Variants in ZZZ3 observed in about 807,000 individuals in gnomAD.
ZZZ3 encodes the protein zinc finger ZZ-type containing 3, also known as ZZ-type zinc finger-containing protein 3.
In ZZZ3, 22 loss-of-function variants were observed where a neutral mutation model predicts 95.2. The ratio of observed to expected loss-of-function variants is 0.23; its 90% CI spans 0.17 to 0.33. The LOEUF is 0.33. Ranked by LOEUF, ZZZ3 falls within the 10% of genes least tolerant of loss-of-function variation. The probability of loss-of-function intolerance (pLI) is 1.00; values close to 1 mark genes in which losing one functional copy is unlikely to be tolerated. For synonymous variants in ZZZ3, 335 were observed against 358.9 expected (o/e 0.93, Z 0.75); for missense variants, 885 against 1,066.5 (o/e 0.83, Z 2.37).
At chr1:77,567,612 C>T (rs559723578) in intron 13 of ZZZ3, among the ~76,000 whole-genome samples, 3 of 152,262 alleles carry the variant, frequency 2.0e-5, no homozygotes, top group South Asian at 2.1e-4. Context: ...ACTCTAGCCA[C>T]GCTCAACTAT....
chr1:77,571,088 G>A (rs149280740), intron 12 of ZZZ3, among the ~76,000 whole-genome samples: 1 of 151,856 alleles, frequency 6.6e-6, no homozygotes, highest in Non-Finnish European at 1.5e-5. Flanking sequence ...TAAGTGACCC[G>A]AATAATTAGA....
chr1:77,675,344 A>C (rs1451619629), intron 1 of ZZZ3, among the ~76,000 whole-genome samples: 1 of 152,238 alleles, frequency 6.6e-6, no homozygotes, highest in Admixed American at 6.5e-5. Flanking sequence ...ATTAAAAAAA[A>C]AACTTTAAAA....
intron 5 of ZZZ3, among the ~76,000 whole-genome samples, chr1:77,602,929 G>A (rs1664880889): frequency 6.6e-6 from 1 of 151,544 alleles, no homozygotes; most frequent in Admixed American, 6.6e-5. Context: ...TGATGAACAG[G>A]GTACTGCAAT....
At chr1:77,577,612 C>G in intron 11 of ZZZ3, among the ~76,000 whole-genome samples, 1 of 152,060 alleles carries the variant, frequency 6.6e-6, no homozygotes, top group East Asian at 1.9e-4. Flanking sequence ...GGAAGGATAA[C>G]AGCACTAGAT....
At position 77,566,101 on chromosome 1, in the gene ZZZ3, G is replaced by A. The variant is rs1660798271; in HGVS notation, c.2547C>T (p.Phe849=). 1 of 1,612,962 alleles carries A rather than the reference G, an allele frequency of 6.2e-7. No individual in the cohort carries two copies. The highest frequency in any genetic ancestry group is 8.5e-7 in the Non-Finnish European group (1 of 1,179,416). Residue 849 remains phenylalanine, a synonymous_variant, in exon 14 of 15, where the codon TTC becomes TTT. Coordinates refer to ENST00000370801, the MANE Select transcript of ZZZ3 (RefSeq NM_015534.6). ...QDCPPEMSLD[F]CDSCSDCLHE... The stretch of plus-strand genomic sequence containing the variant: ...CTTACCAGTCTGAACAAGAATCACA[G>A]AAATCCAAAGACATTTCTGGAGGAC...
chr1:77,671,509 C>T (rs887460556), intron 1 of ZZZ3, among the ~76,000 whole-genome samples: 2 of 152,150 alleles, frequency 1.3e-5, no homozygotes, highest in African/African-American at 4.8e-5. Flanking sequence ...TCCAAAACTC[C>T]ACAGTTTGAG....
At chr1:77,584,451 A>T in intron 6 of ZZZ3, 66 bp downstream of exon 6, 1 of 1,486,424 alleles carries the variant, frequency 6.7e-7, no homozygotes, top group Non-Finnish European at 9.0e-7. Flanking sequence ...AAAAAGAATT[A>T]ACCAAATTCT....
At chr1:77,672,032 A>T (rs1671830471) in intron 1 of ZZZ3, among the ~76,000 whole-genome samples, 1 of 152,204 alleles carries the variant, frequency 6.6e-6, no homozygotes, top group Admixed American at 6.5e-5. Context: ...ACAATAAGAG[A>T]TTTCATCAGG....
chr1:77,575,084 T>C (rs887470759), intron 12 of ZZZ3, among the ~76,000 whole-genome samples: 1 of 152,224 alleles, frequency 6.6e-6, no homozygotes, highest in African/African-American at 2.4e-5. Context: ...CTCAGGTGCC[T>C]GAGGCAGGAG....
intron 5 of ZZZ3, among the ~76,000 whole-genome samples, chr1:77,594,741 T>C (rs763252646): frequency 6.6e-6 from 1 of 151,740 alleles, no homozygotes; most frequent in Non-Finnish European, 1.5e-5. Flanking sequence ...TTTATGAACA[T>C]GAAGCTGAGA....
chr1:77,618,236 T>A (rs1666511094), intron 5 of ZZZ3, among the ~76,000 whole-genome samples: 2 of 45,220 alleles, frequency 4.4e-5, no homozygotes, highest in Non-Finnish European at 1.4e-4. Flanking sequence ...ATGCAGCCTT[T>A]TTTTTTTTTT....
At position 77,673,412 on chromosome 1, in the gene ZZZ3, C is replaced by T. The variant is rs559890659; in HGVS notation, c.-403+9173G>A. Among the ~76,000 whole-genome samples the T allele has an allele frequency of 2.0e-5, 3 of 152,130 alleles. No individual in the cohort carries two copies. The South Asian group carries it at 6.2e-4, about 32-fold the overall frequency. On this transcript the variant is annotated intron_variant, in intron 1 of 14. Coordinates refer to ENST00000370801, the MANE Select transcript of ZZZ3 (RefSeq NM_015534.6). ...AGGGGTTCGAAACCAGCCTGGACAA[C>T]GTGGAGAAACCCCGCCTCTACTAAA...
At chr1:77,668,666 A>AGTTACAG (rs1671468658) in intron 1 of ZZZ3, among the ~76,000 whole-genome samples, 1 of 150,992 alleles carries the variant, frequency 6.6e-6, no homozygotes, top group Admixed American at 6.6e-5. Flanking sequence ...AAAAAAAAAA[A>AGTTACAG]GTTACAGTGC....
intron 12 of ZZZ3, 111 bp from the exon 13 acceptor site, chr1:77,568,577 A>C: frequency 3.3e-6 from 2 of 606,850 alleles, no homozygotes; most frequent in South Asian, 2.8e-5. Flanking sequence ...TTTTTAAAAT[A>C]TCTCTTAGTA....
chr1:77,669,962 A>G (rs1344314797), intron 1 of ZZZ3, among the ~76,000 whole-genome samples: 1 of 152,082 alleles, frequency 6.6e-6, no homozygotes, highest in Non-Finnish European at 1.5e-5. Flanking sequence ...TTGAGGTAAT[A>G]GTTGCATGGC....
At chr1:77,641,945 C>G (rs970843406) in intron 1 of ZZZ3, among the ~76,000 whole-genome samples, 3 of 152,086 alleles carry the variant, frequency 2.0e-5, no homozygotes. Context: ...TTTCTTACCA[C>G]CAATATAGAC....
chr1:77,614,462 T>C (rs1480475166), intron 5 of ZZZ3, among the ~76,000 whole-genome samples: 2 of 152,230 alleles, frequency 1.3e-5, no homozygotes, highest in Non-Finnish European at 2.9e-5. Context: ...TGTTTCCTCA[T>C]CAGCACAAGA....
intron 5 of ZZZ3, among the ~76,000 whole-genome samples, chr1:77,629,600 C>T (rs1458908467): frequency 6.6e-6 from 1 of 152,008 alleles, no homozygotes; most frequent in Non-Finnish European, 1.5e-5. Flanking sequence ...CACTCCAGCC[C>T]GGGTGGCAGA....
intron 1 of ZZZ3, among the ~76,000 whole-genome samples, chr1:77,653,543 C>T (rs1001112520): frequency 1.3e-5 from 2 of 151,560 alleles, no homozygotes; most frequent in African/African-American, 4.8e-5. Flanking sequence ...CACCTGAGGT[C>T]GGGAGTTCAA....
Sources: gnomAD v4.1 joint callset for allele counts (sites outside exome capture counted in the v4.1 genomes callset) on GRCh38, gnomAD v4.1.1 for gene constraint, MANE v1.5 for transcripts, NCBI Gene and HGNC (gene_info 2026-07-23, HGNC 2026-07-21) for gene names.